Variants in ACSM6 observed in about 807,000 individuals in gnomAD.
The protein encoded by ACSM6 is acyl-coenzyme A synthetase ACSM6, mitochondrial.
In ACSM6, 35 loss-of-function variants were observed where a neutral mutation model predicts 51.1. The ratio of observed to expected loss-of-function variants is 0.69; its 90% CI spans 0.52 to 0.91. ACSM6 has a LOEUF of 0.91. Ranked by LOEUF, ACSM6 falls within the 40% of genes least tolerant of loss-of-function variation. The pLI is 0.00. For synonymous variants in ACSM6, 172 were observed against 207.3 expected, an observed-to-expected ratio of 0.83 and a Z score of 1.46; for missense variants, 509 against 584.1, an observed-to-expected ratio of 0.87 and a Z score of 1.32.
intron 10 of ACSM6, chr10:95,226,345 G>T (rs1373924936): frequency 2.6e-5 from 4 of 152,256 alleles, no homozygotes; most frequent in African/African-American, 9.6e-5. Flanking sequence ...AAGATGGACA[G>T]ATCACTTGAG....
At chr10:95,194,421 C>T in intron 1 of ACSM6, 44 bp from the exon 2 acceptor site, 3 of 1,434,822 alleles carry the variant, frequency 2.1e-6, no homozygotes, top group Non-Finnish European at 2.9e-6. Context: ...GATTATCCCT[C>T]TGAGCTGCTC....
chr10:95,207,247 AG>A lies in ACSM6; in HGVS notation c.444del (p.Ile150PhefsTer23). ...CCTGGGAGCCCCCAGCTGACTGCCA[AG>A]AAAATTCGCTATCAATTACGCATGT... On this transcript the variant is annotated frameshift_variant, in exon 4 of 11. Coordinates refer to ENST00000341686, the Ensembl canonical transcript of ACSM6. LOFTEE classifies it high-confidence loss of function. The A allele has an allele frequency of 6.2e-7, 1 of 1,614,176 alleles. No homozygotes were observed. The highest frequency in any genetic ancestry group is 1.6e-4 in the Middle Eastern group (1 of 6,062).
At chr10:95,225,625 T>C (rs546551584) in intron 10 of ACSM6, 1 of 401,846 alleles carries the variant, frequency 2.5e-6, no homozygotes. Flanking sequence ...TGGGAGTAAA[T>C]GCAGACATTA....
intron 3 of ACSM6, among the ~76,000 whole-genome samples, chr10:95,203,673 C>T (rs547239237): frequency 2.6e-5 from 4 of 152,166 alleles, no homozygotes; most frequent in African/African-American, 9.6e-5. Context: ...AAGGAGCCCA[C>T]CCCCAATATC....
chr10:95,224,855 A>T (rs1459719437), intron 9 of ACSM6, among the ~76,000 whole-genome samples: 1 of 152,200 alleles, frequency 6.6e-6, no homozygotes, highest in Non-Finnish European at 1.5e-5. Flanking sequence ...TATACATAAG[A>T]TGGCTAATTA....
intron 2 of ACSM6, 95 bp downstream of exon 2, chr10:95,194,772 C>A: frequency 8.7e-7 from 1 of 1,143,564 alleles, no homozygotes; most frequent in Non-Finnish European, 1.2e-6. Flanking sequence ...CTATGGCTGG[C>A]ACTAGAAAGT....
chr10:95,201,781 C>A, intron 2 of ACSM6: 1 of 600,084 alleles, frequency 1.7e-6, no homozygotes. Flanking sequence ...TCATGCCTGA[C>A]ATTATGTTGA....
chr10:95,207,230 C>A (rs373364279), exon 4 of ACSM6: 4 of 1,613,950 alleles, frequency 2.5e-6, no homozygotes, highest in Non-Finnish European at 3.4e-6. Context: ...TGCCTGGGAG[C>A]CCCCAGCTGA....
exon 4 of ACSM6, chr10:95,207,222 C>T: frequency 6.2e-7 from 1 of 1,614,056 alleles, no homozygotes; most frequent in Non-Finnish European, 8.5e-7. Flanking sequence ...CACCTTTGTG[C>T]CTGGGAGCCC....
At chr10:95,194,442 T>C (rs1478042730) in intron 1 of ACSM6, 23 bp from the exon 2 acceptor site, 1 of 1,520,752 alleles carries the variant, frequency 6.6e-7, no homozygotes, top group Non-Finnish European at 8.9e-7. Flanking sequence ...AATTACTCCC[T>C]GTCTTTTCCT....
chr10:95,202,886 CT>C (rs1296808312), intron 3 of ACSM6, among the ~76,000 whole-genome samples: 1 of 145,428 alleles, frequency 6.9e-6, no homozygotes, highest in Non-Finnish European at 1.5e-5. Flanking sequence ...TTGCAGTGTG[CT>C]GAGATTGTGC....
At chr10:95,219,513 A>G (rs2034974400) in intron 8 of ACSM6, among the ~76,000 whole-genome samples, 1 of 152,224 alleles carries the variant, frequency 6.6e-6, no homozygotes, top group African/African-American at 2.4e-5. Context: ...ATTTGTTCCA[A>G]TTAAGCACAC....
intron 2 of ACSM6, among the ~76,000 whole-genome samples, chr10:95,200,721 G>C (rs921842884): frequency 6.6e-6 from 1 of 151,626 alleles, no homozygotes; most frequent in African/African-American, 2.4e-5. Context: ...AGAGATAAAA[G>C]GAGGAAGAAA....
chr10:95,204,933 G>T (rs2034827875), intron 3 of ACSM6, among the ~76,000 whole-genome samples: 1 of 152,086 alleles, frequency 6.6e-6, no homozygotes, highest in Non-Finnish European at 1.5e-5. Flanking sequence ...GAGGGACCAG[G>T]GTGCACTCCT....
At position 95,201,972 on chromosome 10, in the gene ACSM6, T is replaced by C. The variant is rs977519484; in HGVS notation, c.193-13T>C. On this transcript the variant is annotated splice_polypyrimidine_tract_variant and intron_variant, in intron 2 of 10. Transcript: ENST00000341686. The stretch of plus-strand genomic sequence containing the variant: ...CTGACTAATATTCATATTTTAAACA[T>C]CACCCTGCCTAGGACGGACTCAGAG... The C allele has an allele frequency of 4.5e-6, 7 of 1,549,994 alleles. No individual in the cohort carries two copies. In the Admixed American group the frequency reaches 9.8e-5, roughly 22 times the overall value.
chr10:95,211,069 A>T (rs1382271328), intron 5 of ACSM6, among the ~76,000 whole-genome samples: 2 of 152,138 alleles, frequency 1.3e-5, no homozygotes, highest in Non-Finnish European at 2.9e-5. Context: ...ACACTGTGGG[A>T]TGTTACTTGT....
intron 6 of ACSM6, 77 bp downstream of exon 6, chr10:95,212,111 C>A: frequency 6.5e-7 from 1 of 1,547,712 alleles, no homozygotes; most frequent in Non-Finnish European, 8.9e-7. Flanking sequence ...GTGACTCATG[C>A]CCAGAATGGG....
intron 2 of ACSM6, among the ~76,000 whole-genome samples, chr10:95,198,701 C>T (rs632979): frequency 0.52 from 78,250 of 151,442 alleles, 21,108 homozygotes; most frequent in Middle Eastern, 0.66. Flanking sequence ...TTATCTCTGA[C>T]GGCCTAGGCC....
At chr10:95,213,005 C>A (rs2034909059) in intron 7 of ACSM6, 65 bp downstream of exon 7, 4 of 1,377,238 alleles carry the variant, frequency 2.9e-6, no homozygotes, top group South Asian at 2.3e-5. Context: ...AAATTAGGAC[C>A]CCTTAATTTG....
Sources: allele counts gnomAD v4.1 joint callset (sites outside exome capture counted in the v4.1 genomes callset), GRCh38; gene constraint gnomAD v4.1.1; transcripts MANE v1.5; gene names NCBI Gene and HGNC (gene_info 2026-07-23, HGNC 2026-07-21).